The following COL11A1 variants were observed in gnomAD, a reference collection of about 807,000 sequenced individuals.
The protein encoded by COL11A1 is collagen alpha-1(XI) chain.
Under a neutral mutation model 265.2 loss-of-function variants are expected in COL11A1, and 74 were observed. The observed-to-expected ratio is 0.28, with a 90% CI of 0.23 to 0.34. COL11A1 has a LOEUF of 0.34. COL11A1 is among the 10% of genes least tolerant of loss of function. The pLI, the probability that COL11A1 is intolerant of heterozygous loss-of-function variation, is 1.00. For synonymous variants in COL11A1, 816 were observed against 727.6 expected, an observed-to-expected ratio of 1.12 and a Z score of -1.96; for missense variants, 2,165 against 2,263.6, an observed-to-expected ratio of 0.96 and a Z score of 0.88.
chr1:102,963,807 C>A (rs1410217519), intron 38 of COL11A1, among the ~76,000 whole-genome samples: 1 of 151,786 alleles, frequency 6.6e-6, no homozygotes, highest in Non-Finnish European at 1.5e-5. Flanking sequence ...TATCTGAACA[C>A]CAGAATTTGA....
chr1:102,879,635 T>C (rs775942972), intron 66 of COL11A1, 48 bp downstream of exon 66: 48 of 1,541,716 alleles, frequency 3.1e-5, no homozygotes, highest in Non-Finnish European at 4.2e-5. Context: ...AACGGTGACA[T>C]GCTGCCTATC....
chr1:103,010,693 A>G (rs566890912), intron 14 of COL11A1, among the ~76,000 whole-genome samples: 17 of 151,540 alleles, frequency 1.1e-4, no homozygotes, highest in Middle Eastern at 3.4e-3. Flanking sequence ...CCTAGGACTG[A>G]TATTTGTAAA....
intron 57 of COL11A1, among the ~76,000 whole-genome samples, chr1:102,890,770 A>G (rs1651669328): frequency 6.6e-6 from 1 of 152,110 alleles, no homozygotes; most frequent in South Asian, 2.1e-4. Context: ...TTCAGTTAAG[A>G]ATAAAGTGTC....
chr1:103,064,647 C>T (rs1017802813), intron 4 of COL11A1, among the ~76,000 whole-genome samples: 4 of 145,800 alleles, frequency 2.7e-5, no homozygotes, highest in African/African-American at 5.1e-5. Context: ...GCCTAGGTTG[C>T]GCCACTGCAC....
intron 2 of COL11A1, 93 bp downstream of exon 2, chr1:103,082,712 A>C: frequency 9.2e-7 from 1 of 1,085,432 alleles, no homozygotes; most frequent in Admixed American, 2.0e-5. Context: ...AAAAATACTA[A>C]TTAGTAAAGA....
intron 12 of COL11A1, among the ~76,000 whole-genome samples, chr1:103,015,318 T>G (rs1222908648): frequency 6.6e-6 from 1 of 151,904 alleles, no homozygotes; most frequent in East Asian, 1.9e-4. Context: ...AAATACTATT[T>G]ATGACTATAT....
chr1:102,893,944 T>A (rs1652074622), intron 57 of COL11A1, among the ~76,000 whole-genome samples: 1 of 152,162 alleles, frequency 6.6e-6, no homozygotes, highest in Non-Finnish European at 1.5e-5. Flanking sequence ...TTTTATTGTT[T>A]AAAAAATAAT....
chr1:102,988,950 G>A (rs1387505514), intron 29 of COL11A1, among the ~76,000 whole-genome samples: 1 of 152,040 alleles, frequency 6.6e-6, no homozygotes, highest in East Asian at 1.9e-4. Context: ...TTATTCAGAT[G>A]TATTAGGTAC....
At chr1:102,952,826 G>T (rs1366067919) in intron 41 of COL11A1, among the ~76,000 whole-genome samples, 1 of 152,120 alleles carries the variant, frequency 6.6e-6, no homozygotes, top group Non-Finnish European at 1.5e-5. Context: ...ATATTCTCAT[G>T]CCAACTTTAA....
intron 46 of COL11A1, among the ~76,000 whole-genome samples, chr1:102,928,995 T>C (rs867753113): frequency 9.5e-5 from 12 of 126,164 alleles, no homozygotes; most frequent in Middle Eastern, 7.4e-3. Context: ...ATATTAGCCC[T>C]TTGTCAGATG....
intron 4 of COL11A1, among the ~76,000 whole-genome samples, chr1:103,046,890 AG>A (rs1669317971): frequency 6.6e-6 from 1 of 151,968 alleles, no homozygotes; most frequent in Non-Finnish European, 1.5e-5. Context: ...TGTTTTTGTC[AG>A]GTTTGTCAAA....
intron 66 of COL11A1, among the ~76,000 whole-genome samples, chr1:102,879,316 G>T (rs2101004649): frequency 6.6e-6 from 1 of 152,178 alleles, no homozygotes; most frequent in East Asian, 1.9e-4. Flanking sequence ...GTATAATGGT[G>T]ATTCCTTTAT....
chr1:102,930,533 G>T (rs1657277055), intron 46 of COL11A1, among the ~76,000 whole-genome samples: 1 of 152,072 alleles, frequency 6.6e-6, no homozygotes, highest in African/African-American at 2.4e-5. Context: ...TGTTCATCAA[G>T]GATATTGGTC....
At position 102,899,062 on chromosome 1, in the gene COL11A1, A is replaced by T. The variant is rs1676498; in HGVS notation, c.4087-68T>A. ...AAGTAATGTTAATGAGCACTTGTTT[A>T]CAAACACTAAACTTTAGTTTGTAAC... is the stretch of plus-strand genomic sequence containing the variant. On this transcript the variant is annotated intron_variant, in intron 54 of 66. Transcript: ENST00000370096. The T allele has an allele frequency of 0.075, 64,651 of 867,346 alleles. 2,793 individuals are homozygous for T. The highest frequency in any genetic ancestry group is 0.13 in the African/African-American group (7,851 of 58,166). 53.7% of individuals were successfully genotyped at this position (867,346 alleles called of 1,614,324 possible).
At chr1:103,084,963 A>G (rs1327963461) in intron 1 of COL11A1, among the ~76,000 whole-genome samples, 1 of 152,234 alleles carries the variant, frequency 6.6e-6, no homozygotes, top group Non-Finnish European at 1.5e-5. Context: ...TGTGAGCTAC[A>G]CATACATTTA....
chr1:102,958,712 A>G (rs965795338), intron 41 of COL11A1, among the ~76,000 whole-genome samples: 4 of 152,212 alleles, frequency 2.6e-5, no homozygotes, highest in Admixed American at 2.0e-4. Context: ...TTGCAAATAT[A>G]AGAATGGTTA....
intron 4 of COL11A1, among the ~76,000 whole-genome samples, chr1:103,063,164 C>T (rs974286511): frequency 6.6e-6 from 1 of 152,018 alleles, no homozygotes; most frequent in African/African-American, 2.4e-5. Flanking sequence ...AGATTCAATA[C>T]ACTCACAATT....
At chr1:102,958,944 T>C (rs1301256509) in intron 41 of COL11A1, among the ~76,000 whole-genome samples, 1 of 152,132 alleles carries the variant, frequency 6.6e-6, no homozygotes, top group Non-Finnish European at 1.5e-5. Flanking sequence ...GAGGTCATTG[T>C]TCAGTTTTCA....
At chr1:102,912,122 G>A in intron 54 of COL11A1, 37 bp downstream of exon 54, 2 of 1,532,248 alleles carry the variant, frequency 1.3e-6, no homozygotes, top group Non-Finnish European at 1.8e-6. Flanking sequence ...GGTGACTAAT[G>A]AGCATATGTT....
Sources: gnomAD v4.1 joint callset for allele counts (sites outside exome capture counted in the v4.1 genomes callset) on GRCh38, gnomAD v4.1.1 for gene constraint, MANE v1.5 for transcripts, NCBI Gene and HGNC (gene_info 2026-07-23, HGNC 2026-07-21) for gene names.